ZNF433: variants seen among roughly 807,000 people sequenced by gnomAD.
The protein encoded by ZNF433 is zinc finger protein 433.
ZNF433 carries 12 observed loss-of-function variants against 10.6 expected under a neutral mutation model. That is an observed-to-expected ratio of 1.13 (90% CI 0.72 to 1.83). The LOEUF is 1.83. Ranked by LOEUF, ZNF433 falls within the 40% of genes most tolerant of loss-of-function variation. The probability of loss-of-function intolerance (pLI) is 0.00; values close to 1 mark genes in which losing one functional copy is unlikely to be tolerated. For synonymous variants in ZNF433, 272 were observed against 271.3 expected (o/e 1.00, Z -0.02); for missense variants, 737 against 798.0 (o/e 0.92, Z 0.92).
intron 3 of ZNF433, 27 bp downstream of exon 3, chr19:12,017,849 C>T (rs763132856): frequency 1.8e-5 from 25 of 1,391,230 alleles, no homozygotes; most frequent in Admixed American, 1.1e-4. Flanking sequence ...TAGAGACACA[C>T]GTCTTTGTCA....
chr19:12,030,411 A>G (rs1088069), intron 1 of ZNF433, among the ~76,000 whole-genome samples: 21,159 of 151,840 alleles, frequency 0.14, 3,450 homozygotes, highest in African/African-American at 0.4. Flanking sequence ...TAGTAGAGAC[A>G]GGCTTTCACC....
chr19:12,015,598 C>A lies in ZNF433; in HGVS notation c.1260G>T (p.Glu420Asp), dbSNP rs375337685. 1.7e-5 allele frequency: 28 copies of A among 1,605,538 alleles called. 1 individual carries two copies. In the Middle Eastern group the frequency reaches 5.0e-4, roughly 29 times the overall value. Residue 420 changes from glutamate to aspartate, a missense_variant, in exon 4 of 4, where the codon GAG (glutamate) becomes GAT (aspartate). Coordinates refer to ENST00000550507, the MANE Select transcript of ZNF433 (RefSeq NM_001308348.2). ...TGAAGGCTTTCCCACATTGCTTACA[C>A]TCGTAAGGTTTCTCTCCAGTGTGAG... ...ERTHTGEKPY[E>D]CKQCGKAFRS...
chr19:12,028,281 C>A (rs1974835138), intron 1 of ZNF433, among the ~76,000 whole-genome samples: 1 of 152,120 alleles, frequency 6.6e-6, no homozygotes, highest in Non-Finnish European at 1.5e-5. Context: ...CTATAAAAAA[C>A]AAAATCCATT....
intron 2 of ZNF433, 88 bp from the exon 3 acceptor site, chr19:12,018,024 C>A (rs1027319245): frequency 2.3e-6 from 3 of 1,285,278 alleles, no homozygotes; most frequent in Non-Finnish European, 3.2e-6. Flanking sequence ...ACACTGCAAG[C>A]ATGCTTCCTT....
chr19:12,015,578 G>T lies in ZNF433; in HGVS notation c.1280C>A (p.Ala427Asp). 1 of 1,613,942 alleles carries T rather than the reference G, an allele frequency of 6.2e-7. No homozygotes were observed. Among genetic ancestry groups the T allele is most frequent in the African/African-American group, 1.3e-5 (1 of 74,958 alleles). The change falls in exon 4 of 4, where the codon GCC (alanine) becomes GAC (aspartate). Residue 427 changes from alanine to aspartate, a missense_variant. By Grantham distance (126) the Ala-to-Asp change is moderately radical (BLOSUM62 -2). Coordinates refer to ENST00000550507, the MANE Select transcript of ZNF433 (RefSeq NM_001308348.2). ...KPYECKQCGK[A>D]FRSASLLQTH... ...TTGAAGGAGTGAGGCAGATCTGAAG[G>T]CTTTCCCACATTGCTTACACTCGTA...
In ZNF433 at chr19:12,017,927, C is replaced by T; in HGVS notation, c.140G>A (p.Trp47Ter). ...FRNLASIGKK[W>*]KPQNIYVEYE... ...CTCTACATATATGTTCTGGGGTTTC[C>T]ATTTTTTCCCTACAACACACAACAA... The change falls in exon 3 of 4, where the codon TGG (tryptophan) becomes TAG (stop). Residue 47 changes from tryptophan (W) to a stop codon, truncating the protein, a stop_gained. Transcript: ENST00000550507. LOFTEE classifies it high-confidence loss of function. The T allele has an allele frequency of 1.3e-6, 2 of 1,582,256 alleles. No individual in the cohort carries two copies. The highest frequency in any genetic ancestry group is 1.9e-5 in the Admixed American group (1 of 51,372).
chr19:12,015,310 G>T lies in ZNF433; in HGVS notation c.1548C>A (p.Ser516Arg), dbSNP rs1361721416. The T allele has an allele frequency of 1.9e-6, 3 of 1,608,540 alleles. No homozygotes were observed. In the Admixed American group the frequency reaches 5.1e-5, roughly 27 times the overall value. The change falls in exon 4 of 4, where the codon AGC (serine) becomes AGA (arginine). Residue 516 changes from serine to arginine, a missense_variant. Transcript: ENST00000550507. ...GAGTCCTTCCATGATATCGAAAGGA[G>T]CTCGAACAGTTGAAGGATCTGCCAC... is the stretch of plus-strand genomic sequence containing the variant. ...KQCGRSFNCS[S>R]SFRYHGRTHT...
chr19:12,015,135 G>T lies in ZNF433; in HGVS notation c.1723C>A (p.Gln575Lys). ...GKAFGSASHL[Q>K]MHGRTHTGEK... ...CCAGTGTGAGTCCTTCCATGCATTT[G>T]AAGGTGTGAGGCAGATCCAAAGGCT... The change falls in exon 4 of 4, where the codon CAA becomes AAA. Residue 575 changes from glutamine to lysine, a missense_variant. Physicochemically the swap from Gln to Lys is moderately conservative, Grantham distance 53. Transcript: ENST00000550507. 6.2e-7 allele frequency: 1 copy of T among 1,614,120 alleles called. No individual in the cohort carries two copies. Among genetic ancestry groups the T allele is most frequent in the South Asian group, 1.1e-5 (1 of 91,072 alleles).
chr19:12,028,531 A>T (rs1974848492), intron 1 of ZNF433, among the ~76,000 whole-genome samples: 1 of 152,192 alleles, frequency 6.6e-6, no homozygotes, highest in Non-Finnish European at 1.5e-5. Flanking sequence ...ATGTGTTTTG[A>T]CCATATGTAA....
chr19:12,022,369 G>A (rs575327539), intron 1 of ZNF433, among the ~76,000 whole-genome samples: 2 of 152,224 alleles, frequency 1.3e-5, no homozygotes, highest in South Asian at 4.1e-4. Flanking sequence ...TAAATATGTG[G>A]GTAAATTTCT....
At chr19:12,022,074 A>G in intron 1 of ZNF433, 1 of 449,520 alleles carries the variant, frequency 2.2e-6, no homozygotes, top group Non-Finnish European at 4.5e-6. Flanking sequence ...AAATCTCTGC[A>G]GCACTGTGAC....
At chr19:12,018,465 G>C in intron 1 of ZNF433, 173 bp from the exon 2 acceptor site, 1 of 660,312 alleles carries the variant, frequency 1.5e-6, no homozygotes, top group Non-Finnish European at 2.2e-6. Flanking sequence ...GTAATTCTGA[G>C]GCTACAACTG....
chr19:12,031,794 G>A (rs567072048), intron 1 of ZNF433, among the ~76,000 whole-genome samples: 7 of 151,180 alleles, frequency 4.6e-5, no homozygotes, highest in East Asian at 1.9e-4. Context: ...GGAGGCTCAC[G>A]ATGATTGCTT....
rs117667173 is a variant in ZNF433, at chr19:12,022,090, C to T, written c.4-3798G>A. ...AATCTCTGCAGCACTGTGACATGTT[C>T]GTGATGGCCATGACACCCACAATGA... On this transcript the variant is annotated intron_variant, in intron 1 of 3. Transcript: ENST00000550507. The T allele has an allele frequency of 2.5e-3, 1,099 of 439,160 alleles. 1 individual carries two copies. The highest frequency in any genetic ancestry group is 3.7e-3 in the Non-Finnish European group (801 of 213,872). The allele number at this position is 439,160 out of a possible 1,614,324, so 27.2% of individuals were successfully genotyped here. A position where few individuals can be genotyped will look rare whatever the true frequency, so the allele number is the denominator to read the frequency against.
intron 1 of ZNF433, chr19:12,023,851 A>G (rs978156326): frequency 3.3e-5 from 5 of 152,142 alleles, no homozygotes; most frequent in African/African-American, 1.2e-4. Context: ...CAGAGCAATT[A>G]TATAGCCCTG....
Position 12,015,924 on chromosome 19 carries a change from A to G in ZNF433, c.934T>C (p.Cys312Arg), listed in dbSNP as rs973986385. 6.2e-6 allele frequency: 10 copies of G among 1,613,894 alleles called. No individual in the cohort carries two copies. The Admixed American group carries it at 1.0e-4, about 16-fold the overall frequency. Reference sequence around the variant, plus strand: ...CTGGGACACTTGAATGCTTTTCCACATTCCTTACATTCATATGGCTTCTCC... The same window carrying G: ...CTGGGACACTTGAATGCTTTTCCACGTTCCTTACATTCATATGGCTTCTCC... ...TGEKPYECKE[C>R]GKAFKCPSSV... The change falls in exon 4 of 4, where the codon TGT (cysteine) becomes CGT (arginine). Residue 312 changes from cysteine to arginine, a missense_variant. By Grantham distance (180) the Cys-to-Arg change is radical (BLOSUM62 -3). Transcript: ENST00000550507.
At position 12,018,150 on chromosome 19, in the gene ZNF433, ATGT is replaced by A. The variant is rs764832006; in HGVS notation, c.130+13_130+15del. 1.7e-5 allele frequency: 26 copies of A among 1,553,866 alleles called. No homozygotes were observed. In the East Asian group the frequency reaches 5.7e-4, roughly 34 times the overall value. ...GTTGTCTCATTTACTGAAGGAAGTA[ATGT>A]TGTCACCCTTACCTATAGAGGCCAG... On this transcript the variant is annotated intron_variant, in intron 2 of 3. Transcript: ENST00000550507.
intron 1 of ZNF433, 46 bp from the exon 2 acceptor site, chr19:12,018,338 C>A: frequency 1.3e-6 from 2 of 1,586,604 alleles, no homozygotes; most frequent in Non-Finnish European, 1.7e-6. Flanking sequence ...AGACTAACAT[C>A]ACTGGGAAGC....
intron 1 of ZNF433, chr19:12,034,892 A>C (rs1299530195): frequency 4.4e-6 from 2 of 454,438 alleles, no homozygotes; most frequent in Admixed American, 4.7e-5. Flanking sequence ...GAATAAAAAC[A>C]GTCTTGAGCC....
Sources: allele counts gnomAD v4.1 joint callset (sites outside exome capture counted in the v4.1 genomes callset), GRCh38; gene constraint gnomAD v4.1.1; transcripts MANE v1.5; gene names NCBI Gene and HGNC (gene_info 2026-07-23, HGNC 2026-07-21).